The following ALCAM variants were observed in gnomAD, a reference collection of about 807,000 sequenced individuals.
ALCAM encodes the protein activated leukocyte cell adhesion molecule.
ALCAM carries 30 observed loss-of-function variants against 70.9 expected under a neutral mutation model. The ratio of observed to expected loss-of-function variants is 0.42; its 90% CI spans 0.32 to 0.57. The LOEUF is 0.57. Among genes scored for constraint, ALCAM ranks in the 20% least tolerant of loss-of-function variants. The pLI is 0.11. For synonymous variants in ALCAM, 249 were observed against 242.5 expected, an observed-to-expected ratio of 1.03 and a Z score of -0.25; for missense variants, 591 against 695.1, an observed-to-expected ratio of 0.85 and a Z score of 1.68.
At chr3:105,445,460 C>T (rs1319645453) in intron 1 of ALCAM, among the ~76,000 whole-genome samples, 1 of 152,070 alleles carries the variant, frequency 6.6e-6, no homozygotes, top group Non-Finnish European at 1.5e-5. Context: ...TGAAATTCTT[C>T]ACAGAAATAG....
intron 1 of ALCAM, among the ~76,000 whole-genome samples, chr3:105,402,796 C>A (rs747378076): frequency 5.3e-5 from 8 of 152,094 alleles, no homozygotes; most frequent in Non-Finnish European, 1.0e-4. Context: ...TGGTCATCCT[C>A]TGCCTGCCCA....
chr3:105,367,944 A>G (rs923200990), intron 1 of ALCAM, among the ~76,000 whole-genome samples: 5 of 151,958 alleles, frequency 3.3e-5, no homozygotes, highest in Non-Finnish European at 7.4e-5. Flanking sequence ...TGGTGAGCCG[A>G]GGAAGGGATG....
At chr3:105,390,987 G>T (rs1380516107) in intron 1 of ALCAM, among the ~76,000 whole-genome samples, 3 of 152,028 alleles carry the variant, frequency 2.0e-5, no homozygotes, top group Admixed American at 2.0e-4. Context: ...ATGCTGTTTT[G>T]CTTACTGTAG....
chr3:105,540,065 G>A lies in ALCAM; in HGVS notation c.821G>A (p.Gly274Asp), dbSNP rs747547045. 1 of 1,612,178 alleles carries A rather than the reference G, an allele frequency of 6.2e-7. No individual in the cohort carries two copies. The highest frequency in any genetic ancestry group is 8.5e-7 in the Non-Finnish European group (1 of 1,178,722). ...ATCACTCTTAAATGCTTAGGGAATGGCAACCCTCCCCCAGAGGAATTTTTG... is the reference window on the plus strand; with the variant it reads ...ATCACTCTTAAATGCTTAGGGAATGACAACCCTCCCCCAGAGGAATTTTTG... ...DNITLKCLGN[G>D]NPPPEEFLFY... The change falls in exon 7 of 16, where the codon GGC (glycine) becomes GAC (aspartate). Residue 274 changes from glycine to aspartate, a missense_variant. Coordinates refer to ENST00000306107, the MANE Select transcript of ALCAM (RefSeq NM_001627.4).
chr3:105,512,346 C>A (rs919398780), intron 1 of ALCAM, among the ~76,000 whole-genome samples: 1 of 28,366 alleles, frequency 3.5e-5, no homozygotes, highest in Non-Finnish European at 1.0e-4. Context: ...ATTATGCCTG[C>A]CTTTCTGTTG....
intron 1 of ALCAM, among the ~76,000 whole-genome samples, chr3:105,515,977 A>G (rs1370372738): frequency 1.3e-5 from 2 of 152,022 alleles, no homozygotes; most frequent in Non-Finnish European, 2.9e-5. Flanking sequence ...TTCTGAGTCC[A>G]TTGTAGTTGC....
intron 1 of ALCAM, among the ~76,000 whole-genome samples, chr3:105,509,858 T>C (rs981848990): frequency 6.6e-6 from 1 of 152,160 alleles, no homozygotes; most frequent in Non-Finnish European, 1.5e-5. Flanking sequence ...AGGTTTGTCT[T>C]ACATTTAAGT....
chr3:105,482,003 C>T (rs1938283617), intron 1 of ALCAM, among the ~76,000 whole-genome samples: 1 of 148,544 alleles, frequency 6.7e-6, no homozygotes, highest in African/African-American at 2.5e-5. Flanking sequence ...ATTTCGTAGC[C>T]GTAGACTAAT....
intron 1 of ALCAM, among the ~76,000 whole-genome samples, chr3:105,473,527 T>G (rs1937999826): frequency 6.6e-6 from 1 of 151,600 alleles, no homozygotes; most frequent in African/African-American, 2.4e-5. Context: ...AATCCAGCTA[T>G]CTGCATACCC....
intron 1 of ALCAM, among the ~76,000 whole-genome samples, chr3:105,391,933 T>A (rs1367232534): frequency 1.3e-5 from 2 of 151,968 alleles, no homozygotes; most frequent in Non-Finnish European, 1.5e-5. Flanking sequence ...CCAACTTGAT[T>A]GTGGTGGATA....
chr3:105,376,135 G>T (rs1935372345), intron 1 of ALCAM, among the ~76,000 whole-genome samples: 1 of 152,032 alleles, frequency 6.6e-6, no homozygotes, highest in Non-Finnish European at 1.5e-5. Flanking sequence ...GAGAGAGAGA[G>T]AATGAATTCT....
intron 1 of ALCAM, among the ~76,000 whole-genome samples, chr3:105,496,827 G>GGTGT (rs1553728769): frequency 7.7e-5 from 8 of 103,826 alleles, no homozygotes; most frequent in African/African-American, 2.8e-4. Flanking sequence ...GTCCAATTGA[G>GGTGT]GTGTGTGTGT....
chr3:105,382,470 G>C (rs1935547676), intron 1 of ALCAM, among the ~76,000 whole-genome samples: 1 of 151,976 alleles, frequency 6.6e-6, no homozygotes. Context: ...TGGGATGGCT[G>C]GGTCAAATGG....
chr3:105,445,996 A>G (rs931535182), intron 1 of ALCAM, among the ~76,000 whole-genome samples: 4 of 152,206 alleles, frequency 2.6e-5, no homozygotes, highest in African/African-American at 9.7e-5. Flanking sequence ...CATCTAATGT[A>G]AATGCTCCTG....
rs367952968 is a variant in ALCAM, at chr3:105,545,276, G to A, written c.1045G>A (p.Ala349Thr). Residue 349 changes from alanine to threonine, a missense_variant, in exon 9 of 16, where the codon GCC (alanine) becomes ACC (threonine). By Grantham distance (58) the Ala-to-Thr change is moderately conservative. Coordinates refer to ENST00000306107, the MANE Select transcript of ALCAM (RefSeq NM_001627.4). ...SGEVTRQIGD[A>T]LPVSCTISAS... The stretch of plus-strand genomic sequence containing the variant: ...AGAAGTGACTAGACAGATTGGTGAT[G>A]CCCTACCCGTGTCATGCACAATATC... 301 of 1,609,194 alleles carry A rather than the reference G, an allele frequency of 1.9e-4. 2 individuals are homozygous for A. Among genetic ancestry groups the A allele is most frequent in the South Asian group, 1.2e-3 (106 of 91,020 alleles).
At chr3:105,532,688 GA>G (rs1474591792) in intron 4 of ALCAM, among the ~76,000 whole-genome samples, 1 of 152,124 alleles carries the variant, frequency 6.6e-6, no homozygotes, top group African/African-American at 2.4e-5. Flanking sequence ...CCAACAATAT[GA>G]AATAATAGGA....
intron 1 of ALCAM, among the ~76,000 whole-genome samples, chr3:105,463,556 C>T (rs1443406807): frequency 6.6e-6 from 1 of 151,330 alleles, no homozygotes; most frequent in South Asian, 2.1e-4. Context: ...TTGCAATTTA[C>T]AAGAATTGGG....
intron 1 of ALCAM, among the ~76,000 whole-genome samples, chr3:105,405,995 T>A (rs1006195790): frequency 2.6e-5 from 4 of 152,110 alleles, no homozygotes; most frequent in Admixed American, 6.6e-5. Context: ...GACCTGGAAA[T>A]TATCACTAGA....
At chr3:105,469,184 G>C (rs1471695598) in intron 1 of ALCAM, among the ~76,000 whole-genome samples, 1 of 151,154 alleles carries the variant, frequency 6.6e-6, no homozygotes, top group Non-Finnish European at 1.5e-5. Context: ...TTTTGTTGTT[G>C]ATACTTGTCT....
Sources: gnomAD v4.1 joint callset for allele counts (sites outside exome capture counted in the v4.1 genomes callset) on GRCh38, gnomAD v4.1.1 for gene constraint, MANE v1.5 for transcripts, NCBI Gene and HGNC (gene_info 2026-07-23, HGNC 2026-07-21) for gene names.